Variants in NFXL1 observed in about 807,000 individuals in gnomAD.
The protein encoded by NFXL1 is nuclear transcription factor, X-box binding like 1, also known as NF-X1-type zinc finger protein NFXL1.
A neutral mutation model predicts 123.3 loss-of-function variants in NFXL1; 66 were observed. The observed-to-expected ratio is 0.54, with a 90% CI of 0.44 to 0.66. The LOEUF (loss-of-function observed/expected upper bound fraction) is 0.66. Among genes scored for constraint, NFXL1 ranks in the 30% least tolerant of loss-of-function variants. The pLI is 0.00. For missense variants in NFXL1, 944 were observed against 1,125.6 expected, an observed-to-expected ratio of 0.84 and a Z score of 2.31; for synonymous variants, 346 against 360.8, an observed-to-expected ratio of 0.96 and a Z score of 0.46.
rs561170604 is a variant in NFXL1 at position 47,909,203 on chromosome 4, A to C, written c.406+1621T>G. Among the ~76,000 whole-genome samples, 9 of 152,284 alleles carry C rather than the reference A, an allele frequency of 5.9e-5. No individual in the cohort carries two copies. The South Asian group carries it at 1.9e-3, about 32-fold the overall frequency. ...AAAGAAACTAAGCCCCTAAGATGCT[A>C]AGCAATATGTCAAACATCCTACAGC... On this transcript the variant is annotated intron_variant, in intron 3 of 22. Coordinates refer to ENST00000507489, the MANE Select transcript of NFXL1 (RefSeq NM_001278624.2).
intron 17 of NFXL1, 92 bp from the exon 18 acceptor site, chr4:47,875,385 A>G: frequency 1.2e-6 from 1 of 861,748 alleles, no homozygotes; most frequent in Non-Finnish European, 1.7e-6. Context: ...ATCCCATTAA[A>G]ATAAAGTACT....
At chr4:47,896,062 C>A (rs912189181) in intron 10 of NFXL1, among the ~76,000 whole-genome samples, 7 of 152,136 alleles carry the variant, frequency 4.6e-5, no homozygotes, top group African/African-American at 1.7e-4. Context: ...AACACACGCA[C>A]AACATTTAAC....
At chr4:47,862,065 A>T (rs928073955) in intron 19 of NFXL1, among the ~76,000 whole-genome samples, 2 of 152,216 alleles carry the variant, frequency 1.3e-5, no homozygotes, top group Admixed American at 6.5e-5. Flanking sequence ...AAGTAATTTT[A>T]ACTGTCCCAC....
At chr4:47,886,915 T>C (rs1446955661) in intron 12 of NFXL1, among the ~76,000 whole-genome samples, 1 of 152,218 alleles carries the variant, frequency 6.6e-6, no homozygotes, top group African/African-American at 2.4e-5. Context: ...TTCTTTCTCA[T>C]GACCTGATAT....
In NFXL1 at chr4:47,873,083, T is replaced by C. The variant is rs551965923; in HGVS notation, c.2246+2044A>G. ...CCAGGAATAGATTCCACTTTCTTTG[T>C]TCATCCATTAGAAGCAACTTCTCAT... is the stretch of plus-strand genomic sequence containing the variant. On this transcript the variant is annotated intron_variant, in intron 18 of 22. Transcript: ENST00000507489. Among the ~76,000 whole-genome samples, 4 of 152,364 alleles carry C rather than the reference T, an allele frequency of 2.6e-5. No individual in the cohort carries two copies. The South Asian group carries it at 6.2e-4, about 24-fold the overall frequency.
chr4:47,904,394 C>T (rs761730528), intron 4 of NFXL1, among the ~76,000 whole-genome samples: 11 of 152,070 alleles, frequency 7.2e-5, no homozygotes, highest in Admixed American at 2.0e-4. Context: ...AATTGAGAGG[C>T]GGAAAAAACG....
intron 3 of NFXL1, among the ~76,000 whole-genome samples, chr4:47,906,363 T>A (rs1398853757): frequency 6.6e-6 from 1 of 152,134 alleles, no homozygotes; most frequent in East Asian, 1.9e-4. Flanking sequence ...AAGCCAAAAT[T>A]TAAGTTGCCA....
At position 47,910,779 on chromosome 4, in the gene NFXL1, TAC is replaced by T. The variant is rs761609548; in HGVS notation, c.406+43_406+44del. The stretch of plus-strand genomic sequence containing the variant: ...GGCATTACCAAAAAAATGTCAGGAA[TAC>T]AGTTTCATTGACGTCAAAAGTCAAA... On this transcript the variant is annotated intron_variant, in intron 3 of 22. Transcript: ENST00000507489. The T allele has an allele frequency of 1.3e-5, 16 of 1,259,820 alleles. No homozygotes were observed. The African/African-American group carries it at 1.7e-4, about 13-fold the overall frequency. 78.0% of individuals were successfully genotyped at this position (1,259,820 alleles called of 1,614,324 possible). A position where few individuals can be genotyped will look rare whatever the true frequency, so the allele number is the denominator to read the frequency against.
intron 15 of NFXL1, among the ~76,000 whole-genome samples, chr4:47,881,992 C>A (rs1412251402): frequency 6.6e-6 from 1 of 152,094 alleles, no homozygotes; most frequent in Non-Finnish European, 1.5e-5. Context: ...TGTTAAAACC[C>A]ACAGAACCAT....
At chr4:47,878,394 A>G (rs1323079682) in intron 17 of NFXL1, 131 bp downstream of exon 17, 8 of 658,784 alleles carry the variant, frequency 1.2e-5, no homozygotes, top group Non-Finnish European at 2.1e-5. Context: ...AAAGGAAAAG[A>G]AGGAGAAGGG....
chr4:47,875,048 T>C, intron 18 of NFXL1, 79 bp downstream of exon 18: 2 of 974,108 alleles, frequency 2.1e-6, no homozygotes, highest in East Asian at 5.0e-5. Context: ...CAAAGTACAC[T>C]ATAAAGGGTT....
In NFXL1 at chr4:47,851,135, T is replaced by A; in HGVS notation, c.2522A>T (p.Glu841Val). Residue 841 changes from glutamate (E) to valine (V), a missense_variant, in exon 22 of 23, where the codon GAA becomes GTA. Around this residue, in one of 4 missense-constraint regions of NFXL1, gnomAD observed 301 missense variants for 348.0 expected, o/e 0.86. Coordinates refer to ENST00000507489, the MANE Select transcript of NFXL1 (RefSeq NM_001278624.2). Reference protein sequence around the residue: ...KRKASEIKEAEAKAALEEEKR... With the variant: ...KRKASEIKEAVAKAALEEEKR... ...TTCTTCTTCAAGAGCAGCTTTGGCT[T>A]CTGCTTCTTTTATCTGTTTATACAC... The A allele has an allele frequency of 6.2e-7, 1 of 1,611,148 alleles. No individual in the cohort carries two copies. Among genetic ancestry groups the A allele is most frequent in the East Asian group, 2.2e-5 (1 of 44,784 alleles).
At chr4:47,898,938 C>G (rs778471504) in intron 7 of NFXL1, 21 bp downstream of exon 7, 1 of 1,613,534 alleles carries the variant, frequency 6.2e-7, no homozygotes, top group East Asian at 2.2e-5. Flanking sequence ...TCAGAAAAAT[C>G]TAATGGGTAT....
At chr4:47,867,121 TG>T (rs1253468844) in intron 18 of NFXL1, among the ~76,000 whole-genome samples, 1 of 152,118 alleles carries the variant, frequency 6.6e-6, no homozygotes, top group Non-Finnish European at 1.5e-5. Flanking sequence ...CTGTGAGTCC[TG>T]GCAAATTACC....
Position 47,903,296 on chromosome 4 carries a change from T to G in NFXL1, c.544A>C (p.Ile182Leu), listed in dbSNP as rs375175288. The change falls in exon 5 of 23, where the codon ATA becomes CTA. Residue 182 changes from isoleucine (I) to leucine (L), a missense_variant. Physicochemically the swap from Ile to Leu is conservative, Grantham distance 5. Around this residue, in one of 4 missense-constraint regions of NFXL1, gnomAD observed 303 missense variants for 292.1 expected, o/e 1.04. Coordinates refer to ENST00000507489, the MANE Select transcript of NFXL1 (RefSeq NM_001278624.2). ...AVWSCSGCFC[I>L]FHMPCIQKWA... is the part of the protein sequence containing the mutation. ...TTCTGGATACAGGGCATGTGAAATATACAGAAACATCCCGAACAGCTCCAA... is the reference window on the plus strand; with the variant it reads ...TTCTGGATACAGGGCATGTGAAATAGACAGAAACATCCCGAACAGCTCCAA... 2 of 1,589,306 alleles carry G rather than the reference T, an allele frequency of 1.3e-6. No individual in the cohort carries two copies. Among genetic ancestry groups the G allele is most frequent in the Non-Finnish European group, 1.7e-6 (2 of 1,168,656 alleles).
chr4:47,890,403 T>G (rs1336657754), intron 12 of NFXL1, among the ~76,000 whole-genome samples: 1 of 152,212 alleles, frequency 6.6e-6, no homozygotes, highest in Non-Finnish European at 1.5e-5. Flanking sequence ...TTTCCCTGAG[T>G]AAGTTACTGA....
intron 9 of NFXL1, 79 bp downstream of exon 9, chr4:47,897,888 C>G: frequency 1.1e-6 from 1 of 872,466 alleles, no homozygotes; most frequent in South Asian, 1.9e-5. Context: ...CTTAAGTTTC[C>G]TGGAGGACGT....
At chr4:47,875,067 T>TA (rs1179665332) in intron 18 of NFXL1, 60 bp downstream of exon 18, 1 of 1,197,418 alleles carries the variant, frequency 8.4e-7, no homozygotes, top group Non-Finnish European at 1.2e-6. Context: ...TTCTTAATTA[T>TA]AAAAAGATAC....
At chr4:47,866,373 G>C (rs186492437) in intron 18 of NFXL1, among the ~76,000 whole-genome samples, 53 of 152,292 alleles carry the variant, frequency 3.5e-4, no homozygotes, top group Middle Eastern at 3.4e-3. Flanking sequence ...TTAAAAAATT[G>C]TATTTTCCCA....
Sources: allele counts gnomAD v4.1 joint callset (sites outside exome capture counted in the v4.1 genomes callset), GRCh38; gene constraint gnomAD v4.1.1; regional missense constraint gnomAD v4.1.1; transcripts MANE v1.5; gene names NCBI Gene and HGNC (gene_info 2026-07-23, HGNC 2026-07-21).